The following NPIPB9 variants were observed in gnomAD, a reference collection of about 807,000 sequenced individuals.
NPIPB9 encodes nuclear pore complex interacting protein family member B9, also known as nuclear pore complex-interacting protein family member B9.
Under a neutral mutation model 5.6 loss-of-function variants are expected in NPIPB9, and 1 was observed. That is an observed-to-expected ratio of 0.18 (90% CI 0.06 to 0.84). NPIPB9 has a LOEUF of 0.84. Ranked by LOEUF, NPIPB9 falls within the 40% of genes least tolerant of loss-of-function variation. The pLI is 0.70. For synonymous variants in NPIPB9, 2 were observed against 12.5 expected, an observed-to-expected ratio of 0.16 and a Z score of 1.77; for missense variants, 3 against 39.1, an observed-to-expected ratio of 0.08 and a Z score of 2.46.
chr16:28,753,263 TAAGA>T (rs1257341419), intron 1 of NPIPB9, among the ~76,000 whole-genome samples: 12 of 88,790 alleles, frequency 1.4e-4, no homozygotes, highest in African/African-American at 4.2e-4. Flanking sequence ...TGACTCATAA[TAAGA>T]AATACATTCT....
At chr16:28,756,182 C>T (rs1242985983) in intron 1 of NPIPB9, among the ~76,000 whole-genome samples, 3 of 98,654 alleles carry the variant, frequency 3.0e-5, no homozygotes, top group Non-Finnish European at 4.8e-5. Context: ...CCAACACAAC[C>T]GAAATCTAGG....
At chr16:28,765,721 T>TTGTG (rs761146509) in intron 3 of NPIPB9, among the ~76,000 whole-genome samples, 478 of 38,040 alleles carry the variant, frequency 0.013, 17 homozygotes, top group Middle Eastern at 0.024. Context: ...CATGTCATTC[T>TTGTG]TGTGTGTGTG....
At chr16:28,758,590 T>G in intron 2 of NPIPB9, 1 of 161,932 alleles carries the variant, frequency 6.2e-6, no homozygotes, top group Non-Finnish European at 1.3e-5. Flanking sequence ...CCCCCTCCCC[T>G]GCCCCTCCCC....
rs192475131 is a variant in NPIPB9, at chr16:28,760,676, A to G, written c.112-1575A>G. Reference sequence around the variant, plus strand: ...TTTGACACTTATTTGTGAATGAAGTAATCTCTTCATTGTATTTTTTTTTTT... The same window carrying G: ...TTTGACACTTATTTGTGAATGAAGTGATCTCTTCATTGTATTTTTTTTTTT... On this transcript the variant is annotated intron_variant, in intron 2 of 7. Transcript: ENST00000550983. 4.6e-5 allele frequency among the ~76,000 whole-genome samples: 2 copies of G among 43,076 alleles called. 1 individual carries two copies. The highest frequency in any genetic ancestry group is 1.1e-3 in the East Asian group (2 of 1,870). The allele number at this position is 43,076 out of a possible 152,430, so 28.3% of individuals were successfully genotyped here. A position where few individuals can be genotyped will look rare whatever the true frequency, so the allele number is the denominator to read the frequency against.
Position 28,758,599 on chromosome 16 carries a change from C to G in NPIPB9, c.111+516C>G, listed in dbSNP as rs542717619. 1,653 of 281,694 alleles carry G rather than the reference C, an allele frequency of 5.9e-3. 162 individuals carry two copies. In the African/African-American group the frequency reaches 0.092, roughly 16 times the overall value. The allele number at this position is 281,694 out of a possible 1,614,324, so 17.4% of individuals were successfully genotyped here. On this transcript the variant is annotated intron_variant, in intron 2 of 7. Transcript: ENST00000550983. The stretch of plus-strand genomic sequence containing the variant: ...TCCCCTCCCCCTCCCCTGCCCCTCC[C>G]CAACTCAGATCCGGCCCCGGTCCCC...
intron 2 of NPIPB9, among the ~76,000 whole-genome samples, chr16:28,759,525 T>TTTTA (rs1366331445): frequency 5.4e-5 from 2 of 36,750 alleles, no homozygotes; most frequent in African/African-American, 1.6e-4. Context: ...ATCTACATTA[T>TTTTA]TTTATTTATT....
At chr16:28,765,760 TG>T in intron 3 of NPIPB9, among the ~76,000 whole-genome samples, 1 of 101,006 alleles carries the variant, frequency 9.9e-6, no homozygotes, top group Non-Finnish European at 2.0e-5. Context: ...TGTGTGTGTG[TG>T]TGTGTGTGTG....
At chr16:28,765,772 T>TGA (rs1381553957) in intron 3 of NPIPB9, among the ~76,000 whole-genome samples, 148 of 92,632 alleles carry the variant, frequency 1.6e-3, no homozygotes, top group Middle Eastern at 6.6e-3. Context: ...TGTGTGTGTG[T>TGA]GTGACAGAGT....
chr16:28,765,721 TTGTG>T (rs761146509), intron 3 of NPIPB9, among the ~76,000 whole-genome samples: 8,415 of 37,478 alleles, frequency 0.22, 685 homozygotes, highest in South Asian at 0.32. Context: ...CATGTCATTC[TTGTG>T]TGTGTGTGTG....
chr16:28,752,571 C>A, exon 1 of NPIPB9: 1 of 1,362,322 alleles, frequency 7.3e-7, no homozygotes, highest in Non-Finnish European at 1.0e-6. Flanking sequence ...CAGTGACATG[C>A]CCATGCGAGT....
chr16:28,758,515 T>C (rs1421527184), intron 2 of NPIPB9: 35 of 28,690 alleles, frequency 1.2e-3, no homozygotes, highest in African/African-American at 3.0e-3. Context: ...TTCCCTTACT[T>C]CCCCCCTTCC....
chr16:28,765,825 G>T (rs1439284189), intron 3 of NPIPB9, among the ~76,000 whole-genome samples: 1 of 106,980 alleles, frequency 9.3e-6, no homozygotes, highest in Non-Finnish European at 2.1e-5. Context: ...TGTGATCTCG[G>T]CTCACTGCAA....
rs1191733716 is a variant in NPIPB9 at position 28,767,008 on chromosome 16, G to C, written c.590+519G>C. On this transcript the variant is annotated intron_variant, in intron 5 of 7. Coordinates refer to ENST00000550983, the Ensembl canonical transcript of NPIPB9. ...CCCAAAGTGCTGGGATTAGAGGTGT[G>C]AGCCACCACACCCAGGCTTTTTTTT... Among the ~76,000 whole-genome samples, 302 of 70,596 alleles carry C rather than the reference G, an allele frequency of 4.3e-3. 26 individuals are homozygous for C. The highest frequency in any genetic ancestry group is 0.014 in the African/African-American group (257 of 18,206). The allele number at this position is 70,596 out of a possible 152,430, so 46.3% of individuals were successfully genotyped here.
intron 5 of NPIPB9, among the ~76,000 whole-genome samples, chr16:28,767,419 C>A (rs1285535691): frequency 4.7e-5 from 2 of 42,472 alleles, no homozygotes. Flanking sequence ...ACCATATTGG[C>A]CAAGCTGGTC....
chr16:28,765,442 A>T (rs1246549515), intron 3 of NPIPB9, among the ~76,000 whole-genome samples: 1 of 40,888 alleles, frequency 2.4e-5, no homozygotes, highest in Non-Finnish European at 4.4e-5. Context: ...CAGAGTTTCA[A>T]TTTTGTTGCC....
In NPIPB9 at chr16:28,765,124, A is replaced by C. The variant is rs1388388021; in HGVS notation, c.295-958A>C. 1.5e-4 allele frequency among the ~76,000 whole-genome samples: 5 copies of C among 33,666 alleles called. No individual in the cohort carries two copies. The East Asian group carries it at 3.4e-3, about 23-fold the overall frequency. The allele number at this position is 33,666 out of a possible 152,430, so 22.1% of individuals were successfully genotyped here. A position where few individuals can be genotyped will look rare whatever the true frequency, so the allele number is the denominator to read the frequency against. On this transcript the variant is annotated intron_variant, in intron 3 of 7. Transcript: ENST00000550983. ...TCATTTTTTTTTTTTTTTTTTTTTG[A>C]GACGGAGTCTCACTCTGTCACCAGG... is the stretch of plus-strand genomic sequence containing the variant.
chr16:28,765,774 T>TGTGAGA (rs1332789416), intron 3 of NPIPB9, among the ~76,000 whole-genome samples: 4 of 78,782 alleles, frequency 5.1e-5, no homozygotes, highest in African/African-American at 9.3e-5. Flanking sequence ...TGTGTGTGTG[T>TGTGAGA]GACAGAGTCT....
At position 28,767,298 on chromosome 16, in the gene NPIPB9, T is replaced by C. The variant is rs1231887754; in HGVS notation, c.590+809T>C. On this transcript the variant is annotated intron_variant, in intron 5 of 7. Coordinates refer to ENST00000550983, the Ensembl canonical transcript of NPIPB9. ...GCAACCTCTGCTTCCCAGGTTCAAG[T>C]GATTCTTATCCCTCAGCCTCTTGAG... Among the ~76,000 whole-genome samples, 8 of 105,198 alleles carry C rather than the reference T, an allele frequency of 7.6e-5. 3 individuals carry two copies. Among genetic ancestry groups the C allele is most frequent in the Middle Eastern group, 4.2e-3 (1 of 238 alleles). The allele number at this position is 105,198 out of a possible 152,430, so 69.0% of individuals were successfully genotyped here.
intron 1 of NPIPB9, among the ~76,000 whole-genome samples, chr16:28,756,204 T>C (rs1185663220): frequency 9.1e-6 from 1 of 109,626 alleles, no homozygotes; most frequent in African/African-American, 2.9e-5. Flanking sequence ...CTTTTTTTTT[T>C]TTTTTTTCTT....
Sources: allele counts gnomAD v4.1 joint callset (sites outside exome capture counted in the v4.1 genomes callset), GRCh38; gene constraint gnomAD v4.1.1; transcripts MANE v1.5; gene names NCBI Gene and HGNC (gene_info 2026-07-23, HGNC 2026-07-21).